THSD7B: variants seen among roughly 807,000 people sequenced by gnomAD.
THSD7B encodes thrombospondin type 1 domain containing 7B.
THSD7B carries 138 observed loss-of-function variants against 213.6 expected under a neutral mutation model. The observed-to-expected ratio is 0.65, with a 90% CI of 0.56 to 0.74. The LOEUF is 0.74. Among genes scored for constraint, THSD7B ranks in the 30% least tolerant of loss-of-function variants. The pLI, the probability that THSD7B is intolerant of heterozygous loss-of-function variation, is 0.00. For synonymous variants in THSD7B, 742 were observed against 687.0 expected (o/e 1.08, Z -1.25); for missense variants, 1,931 against 1,991.5 (o/e 0.97, Z 0.58).
chr2:136,830,828 G>A (rs376910142), intron 1 of THSD7B, among the ~76,000 whole-genome samples: 19 of 152,148 alleles, frequency 1.2e-4, no homozygotes, highest in Middle Eastern at 3.4e-3. Flanking sequence ...TGCTTAGTGC[G>A]TGCTATTATT....
intron 16 of THSD7B, among the ~76,000 whole-genome samples, chr2:137,566,278 G>A (rs1338384615): frequency 3.3e-5 from 5 of 152,150 alleles, no homozygotes; most frequent in Non-Finnish European, 5.9e-5. Flanking sequence ...ATGTCATTGA[G>A]TCGAATTTGG....
At chr2:137,662,262 T>A (rs1355549133) in intron 25 of THSD7B, among the ~76,000 whole-genome samples, 1 of 145,236 alleles carries the variant, frequency 6.9e-6, no homozygotes, top group East Asian at 2.0e-4. Context: ...TTTTTTGTAT[T>A]TTTGGTAGAG....
intron 5 of THSD7B, among the ~76,000 whole-genome samples, chr2:137,143,135 A>G (rs1319067077): frequency 1.3e-5 from 2 of 152,166 alleles, no homozygotes; most frequent in African/African-American, 2.4e-5. Context: ...ATAATTCACA[A>G]TTATGCCCTG....
At chr2:137,132,409 G>A (rs905119308) in intron 5 of THSD7B, among the ~76,000 whole-genome samples, 1 of 151,796 alleles carries the variant, frequency 6.6e-6, no homozygotes, top group African/African-American at 2.4e-5. Flanking sequence ...ATTTGATTTC[G>A]GGAATGTTTA....
rs76850394 is a variant in THSD7B at position 137,245,122 on chromosome 2, C to T, written c.2266+2550C>T. 4.8e-3 allele frequency among the ~76,000 whole-genome samples: 727 copies of T among 152,198 alleles called. 3 individuals are homozygous for T. The highest frequency in any genetic ancestry group is 0.017 in the African/African-American group (695 of 41,516). On this transcript the variant is annotated intron_variant, in intron 10 of 27. Transcript: ENST00000409968. ...GATCCATGAGCAAAACTTGCTTTAA[C>T]GCTAGATATGTGGCCCTTCTTTCAG... is the stretch of plus-strand genomic sequence containing the variant.
At chr2:137,055,797 C>T (rs1687151848) in intron 2 of THSD7B, among the ~76,000 whole-genome samples, 1 of 152,166 alleles carries the variant, frequency 6.6e-6, no homozygotes, top group Non-Finnish European at 1.5e-5. Context: ...CCCTGCACCC[C>T]ATTGTTATTT....
rs75431790 is a variant in THSD7B, at chr2:137,260,188, C to A, written c.2267-12345C>A. On this transcript the variant is annotated intron_variant, in intron 10 of 27. Coordinates refer to ENST00000409968, the MANE Select transcript of THSD7B (RefSeq NM_001316349.2). The stretch of plus-strand genomic sequence containing the variant: ...ATAGGACATGTCAACAAATTATAGC[C>A]CAAATAATGGTTAGATATTTATTAA... Among the ~76,000 whole-genome samples, 2,240 of 151,766 alleles carry A rather than the reference C, an allele frequency of 0.015. 127 individuals are homozygous for A. In the East Asian group the frequency reaches 0.15, roughly 10 times the overall value.
intron 2 of THSD7B, among the ~76,000 whole-genome samples, chr2:136,992,359 G>A (rs1177037533): frequency 6.6e-6 from 1 of 152,174 alleles, no homozygotes; most frequent in African/African-American, 2.4e-5. Flanking sequence ...GAAACCATGG[G>A]AACCAATTTA....
intron 2 of THSD7B, among the ~76,000 whole-genome samples, chr2:136,958,454 C>T (rs1558867359): frequency 6.6e-6 from 1 of 152,168 alleles, no homozygotes. Context: ...AGATATAAAA[C>T]CCCCAACTTG....
intron 1 of THSD7B, among the ~76,000 whole-genome samples, chr2:136,817,198 C>T (rs546844440): frequency 2.0e-5 from 3 of 152,222 alleles, no homozygotes; most frequent in South Asian, 2.1e-4. Context: ...GTAGAACTTA[C>T]GGAAATATTA....
intron 1 of THSD7B, among the ~76,000 whole-genome samples, chr2:136,854,725 T>A (rs928857988): frequency 1.3e-5 from 2 of 151,466 alleles, no homozygotes; most frequent in Non-Finnish European, 2.9e-5. Context: ...GTGTTTTTCC[T>A]CTGTCTTTAC....
intron 3 of THSD7B, among the ~76,000 whole-genome samples, chr2:137,064,192 A>G (rs111303083): frequency 0.012 from 1,816 of 151,542 alleles, 23 homozygotes; most frequent in Middle Eastern, 0.024. Flanking sequence ...TTTGTATAAA[A>G]CTCATTTTAA....
rs182933065 is a variant in THSD7B at position 137,347,507 on chromosome 2, C to T, written c.2501-58106C>T. ...TACCAAGCACTGGGAACGGAGACAA[C>T]TCCTTTTCACTAGGCTTGTTTGGAA... is the stretch of plus-strand genomic sequence containing the variant. On this transcript the variant is annotated intron_variant, in intron 12 of 27. Coordinates refer to ENST00000409968, the MANE Select transcript of THSD7B (RefSeq NM_001316349.2). Among the ~76,000 whole-genome samples, 573 of 150,860 alleles carry T rather than the reference C, an allele frequency of 3.8e-3. 3 individuals carry two copies. Among genetic ancestry groups the T allele is most frequent in the Non-Finnish European group, 6.5e-3 (437 of 67,600 alleles).
chr2:137,380,094 A>G (rs1351860403), intron 12 of THSD7B, among the ~76,000 whole-genome samples: 4 of 152,144 alleles, frequency 2.6e-5, no homozygotes, highest in Non-Finnish European at 5.9e-5. Context: ...AGTTTAGAGC[A>G]CGTGTGTCCA....
Position 137,657,166 on chromosome 2 carries a change from C to A in THSD7B, c.4375+6C>A. 6.2e-7 allele frequency: 1 copy of A among 1,613,650 alleles called. No homozygotes were observed. Among genetic ancestry groups the A allele is most frequent in the South Asian group, 1.1e-5 (1 of 91,054 alleles). The stretch of plus-strand genomic sequence containing the variant: ...AGATGGCGTTAATGTCACAGGTATT[C>A]CTGCCTAAGACTCATGTGGGCACTT... On this transcript the variant is annotated splice_donor_region_variant and intron_variant, in intron 24 of 27. Coordinates refer to ENST00000409968, the MANE Select transcript of THSD7B (RefSeq NM_001316349.2).
chr2:137,299,289 G>C (rs1293231439), intron 12 of THSD7B, among the ~76,000 whole-genome samples: 2 of 152,080 alleles, frequency 1.3e-5, no homozygotes, highest in African/African-American at 4.8e-5. Flanking sequence ...CTCAATACCT[G>C]TACCCCCATT....
At position 137,487,317 on chromosome 2, in the gene THSD7B, G is replaced by A. The variant is rs1463194000; in HGVS notation, c.3138+36294G>A. Among the ~76,000 whole-genome samples the A allele has an allele frequency of 3.1e-5, 4 of 129,530 alleles. No homozygotes were observed. The East Asian group carries it at 7.3e-4, about 24-fold the overall frequency. The allele number at this position is 129,530 out of a possible 152,430, so 85.0% of individuals were successfully genotyped here. Reference sequence around the variant, plus strand: ...CGGGAAGCGGAGCTTGCAGTGAGCCGAGATTGCGCCACTGCAGTCCGCAGT... The same window carrying A: ...CGGGAAGCGGAGCTTGCAGTGAGCCAAGATTGCGCCACTGCAGTCCGCAGT... On this transcript the variant is annotated intron_variant, in intron 15 of 27. Coordinates refer to ENST00000409968, the MANE Select transcript of THSD7B (RefSeq NM_001316349.2).
intron 9 of THSD7B, among the ~76,000 whole-genome samples, chr2:137,238,061 A>G (rs1008814290): frequency 2.0e-5 from 3 of 152,194 alleles, no homozygotes; most frequent in Admixed American, 6.5e-5. Context: ...GGAGAGTTCA[A>G]GTATTACCCA....
At chr2:137,415,307 G>C (rs1421481525) in intron 14 of THSD7B, among the ~76,000 whole-genome samples, 4 of 152,048 alleles carry the variant, frequency 2.6e-5, no homozygotes, top group Non-Finnish European at 5.9e-5. Context: ...ATAACTGTGG[G>C]AACACAACTC....
Sources: allele counts gnomAD v4.1 joint callset (sites outside exome capture counted in the v4.1 genomes callset), GRCh38; gene constraint gnomAD v4.1.1; transcripts MANE v1.5; gene names NCBI Gene and HGNC (gene_info 2026-07-23, HGNC 2026-07-21).